ATP1A1: variants seen among roughly 807,000 people sequenced by gnomAD.
ATP1A1 encodes the protein sodium/potassium-transporting ATPase subunit alpha-1.
Under a neutral mutation model 114.8 loss-of-function variants are expected in ATP1A1, and 14 were observed. The observed-to-expected ratio is 0.12, with a 90% CI of 0.08 to 0.19. The LOEUF (loss-of-function observed/expected upper bound fraction) is 0.19. Among genes scored for constraint, ATP1A1 ranks in the 10% least tolerant of loss-of-function variants. The pLI, the probability that ATP1A1 is intolerant of heterozygous loss-of-function variation, is 1.00. For missense variants in ATP1A1, 524 were observed against 1,290.7 expected (o/e 0.41, Z 9.10); for synonymous variants, 471 against 466.3 (o/e 1.01, Z -0.13).
At position 116,380,871 on chromosome 1, in the gene ATP1A1, G is replaced by A. The variant is rs1263032812; in HGVS notation, c.13-3143G>A. Among the ~76,000 whole-genome samples, 4 of 151,998 alleles carry A rather than the reference G, an allele frequency of 2.6e-5. No individual in the cohort carries two copies. In the South Asian group the frequency reaches 6.2e-4, roughly 24 times the overall value. On this transcript the variant is annotated intron_variant, in intron 1 of 22. Transcript: ENST00000295598. ...TGACGCTGTGCTAAGCTGTGTCACC[G>A]TGGGTAAGCCCCTGCCCTTGCTGTG... is the stretch of plus-strand genomic sequence containing the variant.
Position 116,389,025 on chromosome 1 carries a change from C to A in ATP1A1, c.754+6C>A. The A allele has an allele frequency of 6.2e-7, 1 of 1,611,040 alleles. No homozygotes were observed. The highest frequency in any genetic ancestry group is 8.5e-7 in the Non-Finnish European group (1 of 1,177,414). ...TTCAACCAATTGTGTTGAAGGTAGG[C>A]CATTTTTGGGCACTTTGAGCATGGC... On this transcript the variant is annotated splice_donor_region_variant and intron_variant, in intron 7 of 22. Transcript: ENST00000295598. This position sits in a 1 kb window ranked among gnomAD's most constrained non-coding sequence, Gnocchi z 6.9.
Position 116,400,186 on chromosome 1 carries a change from C to T in ATP1A1, c.2572+643C>T, listed in dbSNP as rs547667627. Among the ~76,000 whole-genome samples the T allele has an allele frequency of 1.8e-4, 27 of 152,280 alleles. No homozygotes were observed. The South Asian group carries it at 2.5e-3, about 14-fold the overall frequency. On this transcript the variant is annotated intron_variant, in intron 18 of 22. Coordinates refer to ENST00000295598, the MANE Select transcript of ATP1A1 (RefSeq NM_000701.8). ...GATTAATGGGTCACATAACTGTGAA[C>T]GCTTGGATAAAGAAGAACAGATTAG...
chr1:116,397,760 T>A lies in ATP1A1; in HGVS notation c.1974-128T>A. 1.7e-6 allele frequency: 2 copies of A among 1,187,142 alleles called. No homozygotes were observed. Among genetic ancestry groups the A allele is most frequent in the Non-Finnish European group, 2.3e-6 (2 of 851,822 alleles). 73.5% of individuals were successfully genotyped at this position (1,187,142 alleles called of 1,614,324 possible). ...TACTGAACACTTAATAGCTTTTATG[T>A]GCTGGGGAAAATTCCTTCTTTGTTT... On this transcript the variant is annotated intron_variant, in intron 14 of 22. Coordinates refer to ENST00000295598, the MANE Select transcript of ATP1A1 (RefSeq NM_000701.8). The surrounding 1 kb of genome is among the most constrained non-coding windows in gnomAD (Gnocchi z 4.2).
intron 1 of ATP1A1, chr1:116,374,360 C>T (rs1042139362): frequency 2.6e-5 from 38 of 1,468,650 alleles, no homozygotes; most frequent in Non-Finnish European, 3.1e-5. Flanking sequence ...AGGGACGAGC[C>T]CTGAAGGAGG....
intron 1 of ATP1A1, among the ~76,000 whole-genome samples, chr1:116,380,228 C>G (rs1570943972): frequency 6.6e-6 from 1 of 152,214 alleles, no homozygotes; most frequent in South Asian, 2.1e-4. Context: ...TGTGGCAACA[C>G]TAGAATAAAT....
chr1:116,396,467 A>G, intron 13 of ATP1A1, 131 bp from the exon 14 acceptor site: 1 of 1,184,744 alleles, frequency 8.4e-7, no homozygotes, highest in Non-Finnish European at 1.2e-6. Flanking sequence ...TATTAGTTTT[A>G]TATTTGCATT....
Position 116,388,544 on chromosome 1 carries a change from G to T in ATP1A1, c.502-94G>T. 2 of 1,453,252 alleles carry T rather than the reference G, an allele frequency of 1.4e-6. No individual in the cohort carries two copies. The highest frequency in any genetic ancestry group is 9.3e-7 in the Non-Finnish European group (1 of 1,071,452). The allele number at this position is 1,453,252 out of a possible 1,614,324, so 90.0% of individuals were successfully genotyped here. A position where few individuals can be genotyped will look rare whatever the true frequency, so the allele number is the denominator to read the frequency against. ...AATAATATCTTTGTTTTGTATTCAG[G>T]TAATTAGGATTATGACTATTTTTAT... is the stretch of plus-strand genomic sequence containing the variant. On this transcript the variant is annotated intron_variant, in intron 5 of 22. Transcript: ENST00000295598. This position sits in a 1 kb window ranked among gnomAD's most constrained non-coding sequence, Gnocchi z 5.6.
chr1:116,373,479 A>G lies in ATP1A1; in HGVS notation c.-33A>G. On this transcript the variant is annotated 5_prime_UTR_variant, in exon 1 of 23. Transcript: ENST00000295598. ...CTTTTCTCTCTGATTCTCCAGCGAC[A>G]GGACCCGGCGCCGGGCACTGAGCAC... 2 of 1,502,974 alleles carry G rather than the reference A, an allele frequency of 1.3e-6. No individual in the cohort carries two copies. The highest frequency in any genetic ancestry group is 1.8e-6 in the Non-Finnish European group (2 of 1,124,982). 93.1% of individuals were successfully genotyped at this position (1,502,974 alleles called of 1,614,324 possible).
intron 1 of ATP1A1, among the ~76,000 whole-genome samples, chr1:116,377,368 C>G (rs892175242): frequency 6.6e-6 from 1 of 152,126 alleles, no homozygotes; most frequent in Non-Finnish European, 1.5e-5. Flanking sequence ...GTTTGTTGTT[C>G]GTCAGTAAGT....
chr1:116,380,323 G>A (rs1223306640), intron 1 of ATP1A1, among the ~76,000 whole-genome samples: 5 of 152,168 alleles, frequency 3.3e-5, no homozygotes, highest in Non-Finnish European at 7.3e-5. Flanking sequence ...TTTTTCAGCA[G>A]GAATTTCAGA....
intron 10 of ATP1A1, among the ~76,000 whole-genome samples, chr1:116,391,156 G>A (rs914848948): frequency 2.0e-5 from 3 of 152,136 alleles, no homozygotes; most frequent in East Asian, 3.8e-4. Context: ...GGGAGGAGAC[G>A]GAAGACAGTC....
chr1:116,380,697 C>G (rs1651687622), intron 1 of ATP1A1, among the ~76,000 whole-genome samples: 1 of 152,166 alleles, frequency 6.6e-6, no homozygotes, highest in African/African-American at 2.4e-5. Flanking sequence ...GTGAGTGAAC[C>G]TTGTTACATG....
At chr1:116,383,472 T>C (rs1651878721) in intron 1 of ATP1A1, 1 of 633,056 alleles carries the variant, frequency 1.6e-6, no homozygotes, top group Admixed American at 6.2e-5. Context: ...TGAAATGAGG[T>C]TGGCACTATT....
In ATP1A1 at chr1:116,401,274, G is replaced by A. The variant is rs182701172; in HGVS notation, c.2849+14G>A. ...GCAGGGGATGAAGTAAGTAATGAAG[G>A]ACATGTCAAGGCCTTGGCTCAAAGA... On this transcript the variant is annotated intron_variant, in intron 20 of 22. Transcript: ENST00000295598. This position sits in a 1 kb window ranked among gnomAD's most constrained non-coding sequence, Gnocchi z 4.7. The A allele has an allele frequency of 4.6e-5, 74 of 1,614,130 alleles. No individual in the cohort carries two copies. The highest frequency in any genetic ancestry group is 2.3e-4 in the Admixed American group (14 of 60,018).
At chr1:116,379,080 A>T (rs1651563867) in intron 1 of ATP1A1, among the ~76,000 whole-genome samples, 2 of 152,218 alleles carry the variant, frequency 1.3e-5, no homozygotes, top group Admixed American at 1.3e-4. Context: ...ATGATCATGG[A>T]TGTACACTAC....
chr1:116,373,938 CT>C, intron 1 of ATP1A1: 1 of 1,334,954 alleles, frequency 7.5e-7, no homozygotes, highest in Non-Finnish European at 9.6e-7. Flanking sequence ...CCGCCGTCAC[CT>C]CCTTCTCCTT....
At position 116,400,735 on chromosome 1, in the gene ATP1A1, T is replaced by G. The variant is rs1204434455; in HGVS notation, c.2573-126T>G. The stretch of plus-strand genomic sequence containing the variant: ...TGACCAGGCAATTCTTTCCTGTGCT[T>G]TTATCAACCAGGGGGAAACACTCCT... On this transcript the variant is annotated intron_variant, in intron 18 of 22. Transcript: ENST00000295598. 5.8e-6 allele frequency: 7 copies of G among 1,217,250 alleles called. No homozygotes were observed. In the East Asian group the frequency reaches 1.4e-4, roughly 25 times the overall value. The allele number at this position is 1,217,250 out of a possible 1,614,324, so 75.4% of individuals were successfully genotyped here. A position where few individuals can be genotyped will look rare whatever the true frequency, so the allele number is the denominator to read the frequency against.
intron 13 of ATP1A1, 37 bp from the exon 14 acceptor site, chr1:116,396,561 G>T: frequency 6.2e-7 from 1 of 1,609,746 alleles, no homozygotes; most frequent in South Asian, 1.1e-5. Context: ...TCATTTACTT[G>T]GCAGTTGCAT....
chr1:116,396,959 T>C (rs1652981622), intron 14 of ATP1A1, among the ~76,000 whole-genome samples: 1 of 152,218 alleles, frequency 6.6e-6, no homozygotes, highest in East Asian at 1.9e-4. Context: ...GAGCTTGATA[T>C]GGTGACCTAT....
Sources: gnomAD v4.1 joint callset for allele counts (sites outside exome capture counted in the v4.1 genomes callset) on GRCh38, gnomAD v4.1.1 for gene constraint, Gnocchi (gnomAD v3.1) non-coding constraint, MANE v1.5 for transcripts, NCBI Gene and HGNC (gene_info 2026-07-23, HGNC 2026-07-21) for gene names.